DOCK1: variants seen among roughly 807,000 people sequenced by gnomAD.
DOCK1 encodes the protein dedicator of cytokinesis 1, also known as dedicator of cytokinesis protein 1.
A neutral mutation model predicts 262.7 loss-of-function variants in DOCK1; 138 were observed. The ratio of observed to expected loss-of-function variants is 0.53; its 90% confidence interval spans 0.46 to 0.61. DOCK1 has a LOEUF of 0.61. Among genes scored for constraint, DOCK1 ranks in the 20% least tolerant of loss-of-function variants. DOCK1 has a pLI of 0.00. For missense variants in DOCK1, 1,908 were observed against 2,370.7 expected (o/e 0.80, Z 4.05); for synonymous variants, 866 against 867.4 (o/e 1.00, Z 0.03).
At chr10:127,088,779 A>G (rs985039446) in intron 23 of DOCK1, among the ~76,000 whole-genome samples, 1 of 152,088 alleles carries the variant, frequency 6.6e-6, no homozygotes, top group Non-Finnish European at 1.5e-5. Flanking sequence ...CATGGTTGCC[A>G]GTTGGTGTAT....
At chr10:127,197,249 CA>C (rs534256442) in intron 27 of DOCK1, among the ~76,000 whole-genome samples, 285 of 152,268 alleles carry the variant, frequency 1.9e-3, no homozygotes, top group African/African-American at 6.3e-3. Context: ...CCCTACCCCC[CA>C]TCCAGAGCAC....
chr10:127,378,253 G>T (rs557415824), intron 35 of DOCK1, among the ~76,000 whole-genome samples: 3 of 152,280 alleles, frequency 2.0e-5, no homozygotes, highest in East Asian at 3.9e-4. Context: ...TAAAATCTTG[G>T]TATCTGTTTT....
At chr10:127,283,490 A>C (rs538730120) in intron 29 of DOCK1, among the ~76,000 whole-genome samples, 6 of 152,354 alleles carry the variant, frequency 3.9e-5, no homozygotes, top group African/African-American at 1.4e-4. Context: ...TAGTTATAGA[A>C]GGAATAAAGC....
intron 27 of DOCK1, among the ~76,000 whole-genome samples, chr10:127,208,936 GTA>G (rs1213562991): frequency 1.3e-5 from 2 of 152,184 alleles, no homozygotes; most frequent in East Asian, 3.8e-4. Context: ...AGTTCACTGT[GTA>G]TATTGCTACC....
At chr10:126,953,351 TGTG>T (rs2036480135) in intron 1 of DOCK1, among the ~76,000 whole-genome samples, 1 of 142,852 alleles carries the variant, frequency 7.0e-6, no homozygotes, top group Non-Finnish European at 1.5e-5. Flanking sequence ...TGATGGTGGT[TGTG>T]GTAGTATTGT....
At chr10:127,021,314 C>A (rs1358966619) in intron 13 of DOCK1, among the ~76,000 whole-genome samples, 1 of 152,186 alleles carries the variant, frequency 6.6e-6, no homozygotes, top group African/African-American at 2.4e-5. Flanking sequence ...TACAGGCACG[C>A]ACTACCATGC....
At chr10:127,021,966 G>A (rs1318470237) in intron 13 of DOCK1, among the ~76,000 whole-genome samples, 2 of 152,150 alleles carry the variant, frequency 1.3e-5, no homozygotes, top group Admixed American at 1.3e-4. Flanking sequence ...AGAGCGGGTG[G>A]TCAGGGCGTG....
intron 43 of DOCK1, among the ~76,000 whole-genome samples, chr10:127,411,360 A>G (rs1416391886): frequency 6.6e-6 from 1 of 152,084 alleles, no homozygotes; most frequent in Non-Finnish European, 1.5e-5. Flanking sequence ...CTCATTCAGT[A>G]TCCAGCACCT....
At chr10:127,350,185 T>C (rs1188416743) in intron 31 of DOCK1, among the ~76,000 whole-genome samples, 1 of 152,196 alleles carries the variant, frequency 6.6e-6, no homozygotes, top group Non-Finnish European at 1.5e-5. Flanking sequence ...TATATTAATA[T>C]ATGTGCTGGT....
intron 23 of DOCK1, among the ~76,000 whole-genome samples, chr10:127,091,804 A>G (rs2047549155): frequency 6.6e-6 from 1 of 152,190 alleles, no homozygotes. Flanking sequence ...CCAAAAACAC[A>G]CAGACCCTGT....
chr10:127,281,288 C>T (rs1001173811), intron 29 of DOCK1, among the ~76,000 whole-genome samples: 7 of 152,284 alleles, frequency 4.6e-5, no homozygotes, highest in Middle Eastern at 3.4e-3. Flanking sequence ...CTCATCGAGC[C>T]GTGGCCTAGC....
chr10:126,989,908 T>G (rs2039672512), intron 5 of DOCK1, among the ~76,000 whole-genome samples: 1 of 152,106 alleles, frequency 6.6e-6, no homozygotes, highest in South Asian at 2.1e-4. Context: ...CTCTTGTGGG[T>G]TGTACACACC....
At chr10:127,421,043 A>G (rs544098933) in intron 46 of DOCK1, among the ~76,000 whole-genome samples, 1 of 151,944 alleles carries the variant, frequency 6.6e-6, no homozygotes, top group Admixed American at 6.5e-5. Flanking sequence ...TAGCCTTCCA[A>G]GTAGCTGGGA....
chr10:126,975,267 C>G (rs897228967), intron 2 of DOCK1, among the ~76,000 whole-genome samples: 9 of 152,094 alleles, frequency 5.9e-5, no homozygotes, highest in Admixed American at 3.3e-4. Flanking sequence ...TTAGGTTGTC[C>G]CCGCTTCCCA....
chr10:127,364,862 TTCTC>T (rs1157360120), intron 33 of DOCK1, among the ~76,000 whole-genome samples: 1 of 151,482 alleles, frequency 6.6e-6, no homozygotes, highest in Non-Finnish European at 1.5e-5. Context: ...TTTCCTCCCG[TTCTC>T]TCTCTTTTTT....
chr10:127,006,602 C>T (rs1190491404), intron 10 of DOCK1, among the ~76,000 whole-genome samples: 3 of 152,196 alleles, frequency 2.0e-5, no homozygotes, highest in Non-Finnish European at 4.4e-5. Context: ...CCCTGGGAAG[C>T]GCGATGAGCG....
chr10:127,331,372 C>G (rs1406329321), intron 29 of DOCK1, among the ~76,000 whole-genome samples: 2 of 152,154 alleles, frequency 1.3e-5, no homozygotes, highest in African/African-American at 4.8e-5. Context: ...ACTTCTGCCT[C>G]CCAGGTTCAA....
chr10:126,909,339 G>A (rs2133998607), intron 1 of DOCK1, among the ~76,000 whole-genome samples: 1 of 152,268 alleles, frequency 6.6e-6, no homozygotes, highest in East Asian at 1.9e-4. Flanking sequence ...CCTGCTAAGA[G>A]CCCAGCCAGC....
At chr10:127,104,657 T>A (rs2048429618) in intron 23 of DOCK1, among the ~76,000 whole-genome samples, 1 of 152,240 alleles carries the variant, frequency 6.6e-6, no homozygotes, top group African/African-American at 2.4e-5. Flanking sequence ...AATTTGATTT[T>A]GAGCTTTATT....
Sources: allele counts gnomAD v4.1 joint callset (sites outside exome capture counted in the v4.1 genomes callset), GRCh38; gene constraint gnomAD v4.1.1; transcripts MANE v1.5; gene names NCBI Gene and HGNC (gene_info 2026-07-23, HGNC 2026-07-21).